The following DLG2 variants were observed in gnomAD, a reference collection of about 807,000 sequenced individuals.
DLG2 encodes the protein disks large homolog 2.
DLG2 carries 45 observed loss-of-function variants against 132.5 expected under a neutral mutation model. That is an observed-to-expected ratio of 0.34 (90% CI 0.27 to 0.44). DLG2 has a LOEUF of 0.44. Ranked by LOEUF, DLG2 falls within the 20% of genes least tolerant of loss-of-function variation. The pLI is 1.00. For missense variants in DLG2, 1,045 were observed against 1,196.9 expected (o/e 0.87, Z 1.87); for synonymous variants, 424 against 419.6 (o/e 1.01, Z -0.13).
chr11:84,119,170 G>T (rs1322147679), intron 9 of DLG2, among the ~76,000 whole-genome samples: 1 of 151,922 alleles, frequency 6.6e-6, no homozygotes, highest in East Asian at 1.9e-4. Context: ...TTAAAGCTGA[G>T]TTGAAAACGA....
intron 6 of DLG2, among the ~76,000 whole-genome samples, chr11:84,635,792 A>T (rs747372630): frequency 2.6e-5 from 4 of 152,166 alleles, no homozygotes; most frequent in Non-Finnish European, 4.4e-5. Context: ...TCCCACCAAG[A>T]TCACATACTA....
At chr11:85,385,885 C>A (rs567437628) in intron 3 of DLG2, among the ~76,000 whole-genome samples, 1 of 152,250 alleles carries the variant, frequency 6.6e-6, no homozygotes, top group South Asian at 2.1e-4. Context: ...ATAAACAATG[C>A]ACCTCTAAAA....
At chr11:84,696,166 C>T (rs1229866449) in intron 6 of DLG2, among the ~76,000 whole-genome samples, 1 of 151,448 alleles carries the variant, frequency 6.6e-6, no homozygotes, top group Non-Finnish European at 1.5e-5. Context: ...CGGAAATACG[C>T]AAGAAAACAT....
At chr11:85,425,721 G>T (rs924734468) in intron 3 of DLG2, among the ~76,000 whole-genome samples, 1 of 152,188 alleles carries the variant, frequency 6.6e-6, no homozygotes, top group Admixed American at 6.5e-5. Flanking sequence ...CGACGCAGAA[G>T]ATGGGTGATT....
chr11:83,603,240 G>T (rs1457849452), intron 19 of DLG2, among the ~76,000 whole-genome samples: 2 of 152,268 alleles, frequency 1.3e-5, no homozygotes, highest in Non-Finnish European at 2.9e-5. Flanking sequence ...CCCTCAGGAT[G>T]CCATTTTTTA....
At chr11:84,740,362 T>A (rs1295647300) in intron 6 of DLG2, among the ~76,000 whole-genome samples, 1 of 152,074 alleles carries the variant, frequency 6.6e-6, no homozygotes, top group Non-Finnish European at 1.5e-5. Flanking sequence ...CCACTGGATA[T>A]ACTTACAATC....
chr11:84,534,599 C>T lies in DLG2; in HGVS notation c.490G>A (p.Val164Ile). The change falls in exon 7 of 28, where the codon GTC (valine) becomes ATC (isoleucine). Residue 164 changes from valine to isoleucine, a missense_variant. Physicochemically the swap from Val to Ile is conservative, Grantham distance 29. Coordinates refer to ENST00000376104, the MANE Select transcript of DLG2 (RefSeq NM_001142699.3). Reference sequence around the variant, plus strand: ...AGAGGAGAAATATGAGACTGCAAGACATATCCATGGACATTTTCTATTTGA... The same window carrying T: ...AGAGGAGAAATATGAGACTGCAAGATATATCCATGGACATTTTCTATTTGA... Reference protein sequence around the residue: ...LSQIENVHGYVLQSHISPLKA... With the variant: ...LSQIENVHGYILQSHISPLKA... 6.2e-7 allele frequency: 1 copy of T among 1,614,010 alleles called. No homozygotes were observed. Among genetic ancestry groups the T allele is most frequent in the Non-Finnish European group, 8.5e-7 (1 of 1,179,946 alleles).
At chr11:83,966,617 TA>T (rs1214972118) in intron 12 of DLG2, among the ~76,000 whole-genome samples, 1 of 152,024 alleles carries the variant, frequency 6.6e-6, no homozygotes, top group African/African-American at 2.4e-5. Context: ...GGCTACTATA[TA>T]AAAAAATAAA....
chr11:84,209,720 A>C (rs960137937), intron 8 of DLG2, among the ~76,000 whole-genome samples: 1 of 152,204 alleles, frequency 6.6e-6, no homozygotes, highest in Admixed American at 6.5e-5. Flanking sequence ...AAGATGCTCA[A>C]AATCTTTAGT....
chr11:84,928,237 A>AC (rs1194281558), intron 6 of DLG2, among the ~76,000 whole-genome samples: 1 of 151,620 alleles, frequency 6.6e-6, no homozygotes, highest in Non-Finnish European at 1.5e-5. Flanking sequence ...TCTCTTAAAA[A>AC]CTCTAACAGC....
chr11:85,439,567 G>T (rs1028226288), intron 3 of DLG2, among the ~76,000 whole-genome samples: 1 of 151,980 alleles, frequency 6.6e-6, no homozygotes, highest in African/African-American at 2.4e-5. Flanking sequence ...CACCATGTTA[G>T]CCAGGATGGT....
intron 5 of DLG2, among the ~76,000 whole-genome samples, chr11:85,152,204 G>T (rs895775605): frequency 4.0e-5 from 6 of 151,134 alleles, no homozygotes; most frequent in African/African-American, 1.5e-4. Flanking sequence ...TATACTAAAT[G>T]TATTATAATA....
At chr11:83,510,247 A>T (rs1418893995) in intron 21 of DLG2, among the ~76,000 whole-genome samples, 2 of 138,802 alleles carry the variant, frequency 1.4e-5, no homozygotes, top group Non-Finnish European at 3.1e-5. Flanking sequence ...TTCAGATAGG[A>T]GAGGGTATTC....
In DLG2 at chr11:83,532,657, TA is replaced by T. The variant is rs750612942; in HGVS notation, c.2193+50del. 1.9e-6 allele frequency: 3 copies of T among 1,542,558 alleles called. No homozygotes were observed. The East Asian group carries it at 6.8e-5, about 35-fold the overall frequency. Reference sequence around the variant, plus strand: ...AAAGCCTAAATGTGTTAATTATAGTTAAATCCATGGCAACTGAGAGAACTTG... The same window carrying T: ...AAAGCCTAAATGTGTTAATTATAGTTAATCCATGGCAACTGAGAGAACTTG... On this transcript the variant is annotated intron_variant, in intron 21 of 27. Coordinates refer to ENST00000376104, the MANE Select transcript of DLG2 (RefSeq NM_001142699.3).
At chr11:84,524,458 C>A (rs2099314013) in intron 7 of DLG2, among the ~76,000 whole-genome samples, 1 of 152,214 alleles carries the variant, frequency 6.6e-6, no homozygotes, top group African/African-American at 2.4e-5. Context: ...CAGAATGCGT[C>A]TGTCAAGGCC....
intron 7 of DLG2, among the ~76,000 whole-genome samples, chr11:84,365,717 G>A (rs1166410145): frequency 6.6e-6 from 1 of 151,636 alleles, no homozygotes; most frequent in South Asian, 2.1e-4. Flanking sequence ...TTGTGTCTTT[G>A]TTCTCTTTGG....
At chr11:84,351,612 C>T (rs1386418029) in intron 7 of DLG2, among the ~76,000 whole-genome samples, 2 of 152,086 alleles carry the variant, frequency 1.3e-5, no homozygotes, top group East Asian at 1.9e-4. Context: ...TTTAACTGAG[C>T]GCCTGGAACA....
At chr11:83,733,826 T>C (rs2091439695) in intron 18 of DLG2, among the ~76,000 whole-genome samples, 1 of 152,230 alleles carries the variant, frequency 6.6e-6, no homozygotes, top group Non-Finnish European at 1.5e-5. Context: ...CATGGATATA[T>C]TGTGAAGTGG....
chr11:84,269,055 A>G (rs1286018900), intron 7 of DLG2, among the ~76,000 whole-genome samples: 3 of 152,084 alleles, frequency 2.0e-5, no homozygotes, highest in Admixed American at 2.0e-4. Context: ...CTATTGCTAC[A>G]CTTTCTGATA....
Sources: gnomAD v4.1 joint callset for allele counts (sites outside exome capture counted in the v4.1 genomes callset) on GRCh38, gnomAD v4.1.1 for gene constraint, MANE v1.5 for transcripts, NCBI Gene and HGNC (gene_info 2026-07-23, HGNC 2026-07-21) for gene names.